Variants in MKNK2 observed in about 807,000 individuals in gnomAD.
MKNK2 encodes the protein MAPK interacting serine/threonine kinase 2, also known as MAP kinase-interacting serine/threonine-protein kinase 2.
A neutral mutation model predicts 55.0 loss-of-function variants in MKNK2; 54 were observed. That is an observed-to-expected ratio of 0.98 (90% CI 0.79 to 1.23). MKNK2 has a LOEUF of 1.23. Ranked by LOEUF, MKNK2 falls within the 50% of genes most tolerant of loss-of-function variation. The pLI, the probability that MKNK2 is intolerant of heterozygous loss-of-function variation, is 0.00. For synonymous variants in MKNK2, 323 were observed against 256.0 expected, an observed-to-expected ratio of 1.26 and a Z score of -2.50; for missense variants, 685 against 632.1, an observed-to-expected ratio of 1.08 and a Z score of -0.90.
rs192699876 is a variant in MKNK2, at chr19:2,041,339, C to G, written c.946-135G>C. On this transcript the variant is annotated intron_variant, in intron 11 of 13. Coordinates refer to ENST00000250896, the MANE Select transcript of MKNK2 (RefSeq NM_199054.3). ...CCACGCACGCCTGGGGCAGAGGGGGCTGGGAGCCGGACCAGGAGAGTCAGC... is the reference window on the plus strand; with the variant it reads ...CCACGCACGCCTGGGGCAGAGGGGGGTGGGAGCCGGACCAGGAGAGTCAGC... 7.0e-4 allele frequency: 613 copies of G among 871,286 alleles called. 2 individuals carry two copies. The African/African-American group carries it at 9.1e-3, about 13-fold the overall frequency. 54.0% of individuals were successfully genotyped at this position (871,286 alleles called of 1,614,324 possible).
At chr19:2,040,912 C>G (rs762065018) in intron 12 of MKNK2, 128 bp downstream of exon 12, 2 of 927,180 alleles carry the variant, frequency 2.2e-6, no homozygotes, top group Non-Finnish European at 3.3e-6. Flanking sequence ...CAGGGCAGAG[C>G]CTGTGCTCTC....
chr19:2,041,257 G>C (rs1272233763), intron 11 of MKNK2, 53 bp from the exon 12 acceptor site: 1 of 1,561,378 alleles, frequency 6.4e-7, no homozygotes, highest in Non-Finnish European at 8.7e-7. Context: ...CCTGGATACT[G>C]TGCACTGACA....
Position 2,037,690 on chromosome 19 carries a change from G to A in MKNK2, c.*1923C>T, listed in dbSNP as rs376888914. On this transcript the variant is annotated 3_prime_UTR_variant, in exon 14 of 14. Coordinates refer to ENST00000250896, the MANE Select transcript of MKNK2 (RefSeq NM_199054.3). ...TAACATTAACACATGGCCGTTCACC[G>A]TCCCCCAGCGATGGGAGCTGGCCTG... 1.3e-5 allele frequency: 16 copies of A among 1,274,438 alleles called. No individual in the cohort carries two copies. Among genetic ancestry groups the A allele is most frequent in the African/African-American group, 1.1e-4 (7 of 63,372 alleles). The allele number at this position is 1,274,438 out of a possible 1,614,324, so 78.9% of individuals were successfully genotyped here.
chr19:2,040,737 T>G, intron 12 of MKNK2: 4 of 443,094 alleles, frequency 9.0e-6, no homozygotes, highest in African/African-American at 2.0e-5. Context: ...CTGGGGTCTA[T>G]GTGAGCTGGG....
rs2016819390 is a variant in MKNK2 at position 2,039,199 on chromosome 19, TC to T, written c.*413del. 9.7e-7 allele frequency: 1 copy of T among 1,027,472 alleles called. No individual in the cohort carries two copies. The highest frequency in any genetic ancestry group is 1.2e-6 in the Non-Finnish European group (1 of 855,606). The allele number at this position is 1,027,472 out of a possible 1,614,324, so 63.6% of individuals were successfully genotyped here. On this transcript the variant is annotated 3_prime_UTR_variant, in exon 14 of 14. Coordinates refer to ENST00000250896, the MANE Select transcript of MKNK2 (RefSeq NM_199054.3). ...ACACGAGGGCAGGGTCCTGTGCCCC[TC>T]CCCAGCTCTGCAAGATGGCAAACGC...
At chr19:2,050,746 C>G (rs2017098174) in intron 2 of MKNK2, 55 bp downstream of exon 2, 1 of 1,497,028 alleles carries the variant, frequency 6.7e-7, no homozygotes, top group Non-Finnish European at 9.0e-7. Context: ...GCCCCCCACG[C>G]CGGCCATTCC....
intron 12 of MKNK2, chr19:2,040,524 G>C (rs756333404): frequency 5.7e-6 from 2 of 349,536 alleles, no homozygotes; most frequent in Non-Finnish European, 1.0e-5. Flanking sequence ...GGATGCTTCT[G>C]CAAGGAGATT....
chr19:2,043,137 C>T lies in MKNK2; in HGVS notation c.480G>A (p.Glu160=), dbSNP rs1365004236. Residue 160 remains glutamate, a synonymous_variant, in exon 7 of 14, where the codon GAG becomes GAA. Coordinates refer to ENST00000250896, the MANE Select transcript of MKNK2 (RefSeq NM_199054.3). ...GCCCCCAGGTACCTCCCCGCATCTT[C>T]TCAAACACCAGGTAGAAGCGGTCCT... The part of the protein sequence containing the change: ...EEEDRFYLVF[E]KMRGGSILSH... 3 of 1,613,692 alleles carry T rather than the reference C, an allele frequency of 1.9e-6. No individual in the cohort carries two copies. The highest frequency in any genetic ancestry group is 2.5e-6 in the Non-Finnish European group (3 of 1,179,804).
At position 2,040,105 on chromosome 19, in the gene MKNK2, G is replaced by C. The variant is rs751527707; in HGVS notation, c.1154+29C>G. On this transcript the variant is annotated intron_variant, in intron 13 of 13. Coordinates refer to ENST00000250896, the MANE Select transcript of MKNK2 (RefSeq NM_199054.3). ...CTGGAAACCCCGCCCCCTGGACTCA[G>C]GGGTCCCGAGCACCCCTGCGGGCCT... is the stretch of plus-strand genomic sequence containing the variant. The C allele has an allele frequency of 2.8e-5, 44 of 1,577,620 alleles. No individual in the cohort carries two copies. In the South Asian group the frequency reaches 4.4e-4, roughly 16 times the overall value.
At chr19:2,043,271 A>G (rs1329635311) in intron 6 of MKNK2, 74 bp from the exon 7 acceptor site, 1 of 1,308,470 alleles carries the variant, frequency 7.6e-7, no homozygotes, top group Non-Finnish European at 1.1e-6. Flanking sequence ...CCGGCCTAGG[A>G]GGGGCCCACC....
At chr19:2,041,288 A>AACCAGGCCCTAG (rs758558425) in intron 11 of MKNK2, 84 bp from the exon 12 acceptor site, 8 of 1,470,494 alleles carry the variant, frequency 5.4e-6, no homozygotes, top group South Asian at 1.3e-5. Context: ...ACCGGACCCC[A>AACCAGGCCCTAG]ACCAGGCCCT....
At position 2,038,927 on chromosome 19, in the gene MKNK2, G is replaced by A. The variant is rs1258169087; in HGVS notation, c.*686C>T. 3 of 985,784 alleles carry A rather than the reference G, an allele frequency of 3.0e-6. No individual in the cohort carries two copies. Among genetic ancestry groups the A allele is most frequent in the African/African-American group, 1.7e-5 (1 of 57,218 alleles). The allele number at this position is 985,784 out of a possible 1,614,324, so 61.1% of individuals were successfully genotyped here. A position where few individuals can be genotyped will look rare whatever the true frequency, so the allele number is the denominator to read the frequency against. On this transcript the variant is annotated 3_prime_UTR_variant, in exon 14 of 14. Transcript: ENST00000250896. ...GTCGGAGGCCGAATCTGGCCACCAG[G>A]AGTCCTGGACAGACAGACGGGCCTT...
chr19:2,049,908 GAC>G (rs139985045), intron 2 of MKNK2, among the ~76,000 whole-genome samples: 66 of 151,972 alleles, frequency 4.3e-4, no homozygotes, highest in Middle Eastern at 3.4e-3. Context: ...ACAAGACAGA[GAC>G]ACACACACAC....
chr19:2,046,585 T>C lies in MKNK2; in HGVS notation c.139+19A>G. The stretch of plus-strand genomic sequence containing the variant: ...CGACAGCAGCTGCCCTGTGCCCTCC[T>C]CCCCCTCGGGCCCCTCACCAGGGCG... On this transcript the variant is annotated intron_variant, in intron 3 of 13. Coordinates refer to ENST00000250896, the MANE Select transcript of MKNK2 (RefSeq NM_199054.3). The C allele has an allele frequency of 2.6e-6, 4 of 1,554,580 alleles. No individual in the cohort carries two copies. The highest frequency in any genetic ancestry group is 1.2e-5 in the South Asian group (1 of 84,412).
chr19:2,048,110 T>G (rs1417396611), intron 2 of MKNK2, among the ~76,000 whole-genome samples: 2 of 152,122 alleles, frequency 1.3e-5, no homozygotes, highest in Non-Finnish European at 2.9e-5. Flanking sequence ...CTCTCCCATT[T>G]CAGTGCCAGA....
chr19:2,044,546 G>A (rs1222368601), intron 5 of MKNK2, among the ~76,000 whole-genome samples: 1 of 152,088 alleles, frequency 6.6e-6, no homozygotes, highest in African/African-American at 2.4e-5. Flanking sequence ...CTGGGCGGGT[G>A]CCTGGCTGCA....
Position 2,040,154 on chromosome 19 carries a change from G to A in MKNK2, c.1134C>T (p.Pro378=), listed in dbSNP as rs1221570260. 2 of 1,592,514 alleles carry A rather than the reference G, an allele frequency of 1.3e-6. No individual in the cohort carries two copies. Among genetic ancestry groups the A allele is most frequent in the Admixed American group, 1.8e-5 (1 of 54,808 alleles). ...VQGCAPENTL[P]TPMVLQRNSC... is the part of the protein sequence containing the mutation. ...CTTACCTCTGCAGGACCATGGGAGTGGGCAAGGTGTTCTCCGGGGCGCACT... is the reference window on the plus strand; with the variant it reads ...CTTACCTCTGCAGGACCATGGGAGTAGGCAAGGTGTTCTCCGGGGCGCACT... Residue 378 remains proline, a synonymous_variant, in exon 13 of 14, where the codon CCC becomes CCT. Transcript: ENST00000250896.
rs973962078 is a variant in MKNK2, at chr19:2,039,396, C to T, written c.*217G>A. The T allele has an allele frequency of 2.8e-6, 4 of 1,404,720 alleles. No individual in the cohort carries two copies. The African/African-American group carries it at 5.8e-5, about 20-fold the overall frequency. The allele number at this position is 1,404,720 out of a possible 1,614,324, so 87.0% of individuals were successfully genotyped here. ...TCCCGGGTGCCTGCAATGCTTTTAA[C>T]CATCCAAAGGAAAAAATAACGGGGA... On this transcript the variant is annotated 3_prime_UTR_variant, in exon 14 of 14. Coordinates refer to ENST00000250896, the MANE Select transcript of MKNK2 (RefSeq NM_199054.3).
At chr19:2,049,055 G>A (rs1164312694) in intron 2 of MKNK2, among the ~76,000 whole-genome samples, 3 of 152,190 alleles carry the variant, frequency 2.0e-5, no homozygotes, top group Non-Finnish European at 2.9e-5. Context: ...CCCAGCGTGA[G>A]CTCCTGGCCC....
Sources: gnomAD v4.1 joint callset for allele counts (sites outside exome capture counted in the v4.1 genomes callset) on GRCh38, gnomAD v4.1.1 for gene constraint, MANE v1.5 for transcripts, NCBI Gene and HGNC (gene_info 2026-07-23, HGNC 2026-07-21) for gene names.